The following RAI1 variants were observed in gnomAD, a reference collection of about 807,000 sequenced individuals.
RAI1 encodes retinoic acid-induced protein 1.
RAI1 carries 9 observed loss-of-function variants against 123.8 expected under a neutral mutation model. The observed-to-expected ratio is 0.07, with a 90% CI of 0.04 to 0.13. RAI1 has a LOEUF of 0.13. Among genes scored for constraint, RAI1 ranks in the 10% least tolerant of loss-of-function variants. RAI1 has a pLI of 1.00. For missense variants in RAI1, 2,256 were observed against 2,545.8 expected, an observed-to-expected ratio of 0.89 and a Z score of 2.45; for synonymous variants, 1,231 against 1,127.3, an observed-to-expected ratio of 1.09 and a Z score of -1.84.
At chr17:17,706,788 G>C (rs781690187) in intron 1 of RAI1, among the ~76,000 whole-genome samples, 2 of 152,242 alleles carry the variant, frequency 1.3e-5, no homozygotes, top group African/African-American at 4.8e-5. Context: ...TTTCTTCTCT[G>C]TGTGGGCTCA....
chr17:17,753,841 C>CT (rs1369222766), intron 2 of RAI1, among the ~76,000 whole-genome samples: 1 of 152,208 alleles, frequency 6.6e-6, no homozygotes, highest in Non-Finnish European at 1.5e-5. Flanking sequence ...CAGACCCTGG[C>CT]TCCAGATTCA....
At chr17:17,758,270 C>T (rs912811797) in intron 2 of RAI1, among the ~76,000 whole-genome samples, 1 of 152,192 alleles carries the variant, frequency 6.6e-6, no homozygotes, top group African/African-American at 2.4e-5. Flanking sequence ...ACTCAGCAAA[C>T]CCTCTCCAGG....
rs1016817096 is a variant in RAI1 at position 17,810,848 on chromosome 17, G to C, written c.*867G>C. 14 of 451,470 alleles carry C rather than the reference G, an allele frequency of 3.1e-5. No individual in the cohort carries two copies. The highest frequency in any genetic ancestry group is 2.8e-4 in the African/African-American group (14 of 49,970). 28.0% of individuals were successfully genotyped at this position (451,470 alleles called of 1,614,324 possible). A position where few individuals can be genotyped will look rare whatever the true frequency, so the allele number is the denominator to read the frequency against. The stretch of plus-strand genomic sequence containing the variant: ...GTTGTGCACCACCAGGGACCGCCGC[G>C]CCTACTCTGCACGGGAGCAGGGACA... On this transcript the variant is annotated 3_prime_UTR_variant, in exon 6 of 6. Coordinates refer to ENST00000353383, the MANE Select transcript of RAI1 (RefSeq NM_030665.4). This position sits in a 1 kb window ranked among gnomAD's most constrained non-coding sequence, Gnocchi z 4.6.
In RAI1 at chr17:17,795,302, A is replaced by G. The variant is rs768449616; in HGVS notation, c.2354A>G (p.His785Arg). ...GATGGCATCAGCAAAGGGGACACCC[A>G]TGAGGCTTCGGCCTGCCTGGGCTTC... is the stretch of plus-strand genomic sequence containing the variant. The part of the protein sequence containing the change: ...ASDGISKGDT[H>R]EASACLGFQE... Residue 785 changes from histidine to arginine, a missense_variant, in exon 3 of 6, where the codon CAT (histidine) becomes CGT (arginine). By Grantham distance (29) the His-to-Arg change is conservative. This residue lies in a region of RAI1 where 566 missense variants were observed against 616.0 expected (regional missense o/e 0.92). Transcript: ENST00000353383. This position sits in a 1 kb window ranked among gnomAD's most constrained non-coding sequence, Gnocchi z 5.9. The G allele has an allele frequency of 3.7e-5, 60 of 1,609,856 alleles. No individual in the cohort carries two copies. In the East Asian group the frequency reaches 5.1e-4, roughly 14 times the overall value.
intron 1 of RAI1, among the ~76,000 whole-genome samples, chr17:17,694,823 C>T (rs1914962974): frequency 6.6e-6 from 1 of 150,808 alleles, no homozygotes; most frequent in African/African-American, 2.4e-5. Context: ...TTCGCGGGGC[C>T]GCGGGGCGGG....
intron 2 of RAI1, among the ~76,000 whole-genome samples, chr17:17,752,280 T>C (rs2030212214): frequency 3.9e-5 from 6 of 152,204 alleles, no homozygotes; most frequent in Admixed American, 3.9e-4. Flanking sequence ...TGTTCGCACA[T>C]GCCCCAGCCC....
Position 17,686,985 on chromosome 17 carries a change from GTTTC to G in RAI1, c.-149+5200_-149+5203del, listed in dbSNP as rs980822175. On this transcript the variant is annotated intron_variant, in intron 1 of 5. Transcript: ENST00000353383. ...GGGCCAGGTGAACAATGAGCATCCGGTTTCTTTCTTTTTTTTGAGATGGAGTCTT... is the reference window on the plus strand; with the variant it reads ...GGGCCAGGTGAACAATGAGCATCCGGTTTCTTTTTTTTGAGATGGAGTCTT... Among the ~76,000 whole-genome samples, 6 of 152,072 alleles carry G rather than the reference GTTTC, an allele frequency of 3.9e-5. 1 individual carries two copies. Among genetic ancestry groups the G allele is most frequent in the Admixed American group, 3.3e-4 (5 of 15,264 alleles).
rs976756148 is a variant in RAI1, at chr17:17,809,364, C to T, written c.5660-26C>T. 7 of 1,593,282 alleles carry T rather than the reference C, an allele frequency of 4.4e-6. No homozygotes were observed. The highest frequency in any genetic ancestry group is 6.0e-6 in the Non-Finnish European group (7 of 1,161,138). On this transcript the variant is annotated intron_variant, in intron 4 of 5. Transcript: ENST00000353383. This position sits in a 1 kb window ranked among gnomAD's most constrained non-coding sequence, Gnocchi z 4.9. Reference sequence around the variant, plus strand: ...CTGTGGGGCCCCCACCCTGTCCTAACCACCGAAACTTCTCTTTGGTCACAG... The same window carrying T: ...CTGTGGGGCCCCCACCCTGTCCTAATCACCGAAACTTCTCTTTGGTCACAG...
chr17:17,717,830 C>T (rs999272083), intron 1 of RAI1, among the ~76,000 whole-genome samples: 8 of 152,160 alleles, frequency 5.3e-5, no homozygotes, highest in African/African-American at 1.9e-4. Flanking sequence ...CGCCTGCAGG[C>T]GGGGGCCGTC....
At chr17:17,784,825 C>T (rs2031767213) in intron 2 of RAI1, among the ~76,000 whole-genome samples, 1 of 152,128 alleles carries the variant, frequency 6.6e-6, no homozygotes. Flanking sequence ...AGCAGCCGGG[C>T]CACTTGAGCT....
chr17:17,761,278 A>G (rs1343735198), intron 2 of RAI1, among the ~76,000 whole-genome samples: 1 of 151,208 alleles, frequency 6.6e-6, no homozygotes, highest in Non-Finnish European at 1.5e-5. Flanking sequence ...CTAGTGCCCA[A>G]GGAAGTGGGG....
intron 2 of RAI1, among the ~76,000 whole-genome samples, chr17:17,746,681 G>A (rs2142977765): frequency 6.8e-6 from 1 of 147,684 alleles, no homozygotes; most frequent in South Asian, 2.1e-4. Flanking sequence ...TGTTGCCCAG[G>A]CTGGAGTGCA....
Position 17,799,530 on chromosome 17 carries a change from T to C in RAI1, c.5565+1017T>C, listed in dbSNP as rs1360377805. ...CTGCCTCATCCAGACTTCCGTGGAG[T>C]GACGCTCCCGGCTCTCAGCGCTGTG... is the stretch of plus-strand genomic sequence containing the variant. On this transcript the variant is annotated intron_variant, in intron 3 of 5. Coordinates refer to ENST00000353383, the MANE Select transcript of RAI1 (RefSeq NM_030665.4). The surrounding 1 kb of genome is among the most constrained non-coding windows in gnomAD (Gnocchi z 4.5). Among the ~76,000 whole-genome samples the C allele has an allele frequency of 6.6e-6, 1 of 151,998 alleles. No homozygotes were observed. Among genetic ancestry groups the C allele is most frequent in the Non-Finnish European group, 1.5e-5 (1 of 67,960 alleles).
intron 1 of RAI1, among the ~76,000 whole-genome samples, chr17:17,682,752 G>A (rs1914481680): frequency 6.6e-6 from 1 of 152,172 alleles, no homozygotes; most frequent in Admixed American, 6.5e-5. Flanking sequence ...TTCCCGGCTA[G>A]CAGTTTTCTT....
chr17:17,692,833 A>G (rs1914886595), intron 1 of RAI1, among the ~76,000 whole-genome samples: 1 of 152,192 alleles, frequency 6.6e-6, no homozygotes, highest in Non-Finnish European at 1.5e-5. Context: ...AAGGGATGGA[A>G]GGGGAAGGAG....
rs2032421595 is a variant in RAI1, at chr17:17,800,378, G to A, written c.5565+1865G>A. 6.6e-6 allele frequency among the ~76,000 whole-genome samples: 1 copy of A among 152,068 alleles called. No individual in the cohort carries two copies. The highest frequency in any genetic ancestry group is 6.5e-5 in the Admixed American group (1 of 15,272). ...AAAGCCTTGTCCCCACGGCATCCTC[G>A]GTCCCGCAGCCTCACCAGGGGCTCC... On this transcript the variant is annotated intron_variant, in intron 3 of 5. Coordinates refer to ENST00000353383, the MANE Select transcript of RAI1 (RefSeq NM_030665.4). The surrounding 1 kb of genome is among the most constrained non-coding windows in gnomAD (Gnocchi z 4.7).
Position 17,794,639 on chromosome 17 carries a change from T to C in RAI1, c.1691T>C (p.Met564Thr), listed in dbSNP as rs1227531814. 13 of 1,613,064 alleles carry C rather than the reference T, an allele frequency of 8.1e-6. No individual in the cohort carries two copies. The highest frequency in any genetic ancestry group is 1.7e-5 in the Admixed American group (1 of 60,026). Residue 564 changes from methionine to threonine, a missense_variant, in exon 3 of 6, where the codon ATG (methionine) becomes ACG (threonine). By Grantham distance (81) the Met-to-Thr change is moderately conservative. Around this residue, in one of 7 missense-constraint regions of RAI1, gnomAD observed 357 missense variants for 480.2 expected, o/e 0.74. Coordinates refer to ENST00000353383, the MANE Select transcript of RAI1 (RefSeq NM_030665.4). Reference protein sequence around the residue: ...STCSVTSPDDMSTKSDDSFQS... With the variant: ...STCSVTSPDDTSTKSDDSFQS... The stretch of plus-strand genomic sequence containing the variant: ...TGTTCTGTGACCTCTCCTGACGACA[T>C]GTCCACCAAATCTGACGACTCCTTC...
At chr17:17,804,564 C>T (rs1436554368) in intron 4 of RAI1, among the ~76,000 whole-genome samples, 1 of 150,676 alleles carries the variant, frequency 6.6e-6, no homozygotes, top group Non-Finnish European at 1.5e-5. Flanking sequence ...AAAGCAATTG[C>T]TTATGGTACA....
In RAI1 at chr17:17,752,990, G is replaced by A. The variant is rs141514239; in HGVS notation, c.-17+28831G>A. Among the ~76,000 whole-genome samples, 1,282 of 152,368 alleles carry A rather than the reference G, an allele frequency of 8.4e-3. 7 individuals carry two copies. The highest frequency in any genetic ancestry group is 0.028 in the African/African-American group (1,175 of 41,592). On this transcript the variant is annotated intron_variant, in intron 2 of 5. Coordinates refer to ENST00000353383, the MANE Select transcript of RAI1 (RefSeq NM_030665.4). ...CATCAGGTTGCCTGAGGCTTCCTTGGTGGGTGGTGCCGGCTGTACTGGCCC... is the reference window on the plus strand; with the variant it reads ...CATCAGGTTGCCTGAGGCTTCCTTGATGGGTGGTGCCGGCTGTACTGGCCC...
Sources: gnomAD v4.1 joint callset for allele counts (sites outside exome capture counted in the v4.1 genomes callset) on GRCh38, gnomAD v4.1.1 for gene constraint, gnomAD v4.1.1 regional missense constraint, Gnocchi (gnomAD v3.1) non-coding constraint, MANE v1.5 for transcripts, NCBI Gene and HGNC (gene_info 2026-07-23, HGNC 2026-07-21) for gene names.